C17orf99: variants seen among roughly 807,000 people sequenced by gnomAD.
C17orf99 encodes protein IL-40.
A neutral mutation model predicts 22.6 loss-of-function variants in C17orf99; 18 were observed. That is an observed-to-expected ratio of 0.80 (90% confidence interval 0.55 to 1.18). C17orf99 has a LOEUF of 1.18. C17orf99 is among the 50% of genes most tolerant of loss of function. C17orf99 has a pLI of 0.00. For missense variants in C17orf99, 328 were observed against 342.7 expected (o/e 0.96, Z 0.34); for synonymous variants, 147 against 136.6 (o/e 1.08, Z -0.53).
intron 2 of C17orf99, among the ~76,000 whole-genome samples, chr17:78,148,390 G>A (rs2075452178): frequency 6.6e-6 from 1 of 152,100 alleles, no homozygotes; most frequent in African/African-American, 2.4e-5. Flanking sequence ...AGCTGGGCAT[G>A]GTGGGCGGTG....
chr17:78,163,551 G>A (rs1426087027), intron 3 of C17orf99, among the ~76,000 whole-genome samples: 1 of 152,150 alleles, frequency 6.6e-6, no homozygotes, highest in Non-Finnish European at 1.5e-5. Flanking sequence ...GCTAAGTCTG[G>A]CAATCTGAAA....
chr17:78,159,809 T>G (rs753073672), intron 2 of C17orf99, among the ~76,000 whole-genome samples: 1 of 152,158 alleles, frequency 6.6e-6, no homozygotes, highest in South Asian at 2.1e-4. Context: ...TGCACACACA[T>G]GGAATCATGC....
intron 3 of C17orf99, among the ~76,000 whole-genome samples, chr17:78,162,618 C>G (rs776227718): frequency 6.6e-6 from 1 of 151,932 alleles, no homozygotes; most frequent in East Asian, 1.9e-4. Flanking sequence ...CTCATTGGAC[C>G]GCTGAGCTTC....
At chr17:78,157,271 C>T in intron 2 of C17orf99, 1 of 315,126 alleles carries the variant, frequency 3.2e-6, no homozygotes, top group Non-Finnish European at 6.0e-6. Context: ...CAAGAGCAGC[C>T]TGGCCAACAC....
At position 78,146,814 on chromosome 17, in the gene C17orf99, C is replaced by T. The variant is rs757408694; in HGVS notation, c.38-65C>T. The stretch of plus-strand genomic sequence containing the variant: ...CCTCCTGGCTTCAGCAGGTGGGTCT[C>T]GAGGCTGTCTCTGGTCTCCCCTCCA... On this transcript the variant is annotated intron_variant, in intron 1 of 4. Coordinates refer to ENST00000340363, the MANE Select transcript of C17orf99 (RefSeq NM_001163075.2). The surrounding 1 kb of genome is among the most constrained non-coding windows in gnomAD (Gnocchi z 5.2). 5.4e-6 allele frequency: 8 copies of T among 1,493,246 alleles called. No homozygotes were observed. Among genetic ancestry groups the T allele is most frequent in the South Asian group, 4.8e-5 (4 of 82,780 alleles). 92.5% of individuals were successfully genotyped at this position (1,493,246 alleles called of 1,614,324 possible).
chr17:78,164,661 A>G, intron 4 of C17orf99: 1 of 1,455,128 alleles, frequency 6.9e-7, no homozygotes, highest in Admixed American at 2.1e-5. Flanking sequence ...CACGTGGGCC[A>G]GGTAGGAAAT....
rs116715586 is a variant in C17orf99 at position 78,155,415 on chromosome 17, C to T, written c.71-5540C>T. ...TGACGTCGATGATATTCAGATTTCA[C>T]AGACCCTTCTTTCTACCCCTCCCCC... On this transcript the variant is annotated intron_variant, in intron 2 of 4. Coordinates refer to ENST00000340363, the MANE Select transcript of C17orf99 (RefSeq NM_001163075.2). 2.6e-3 allele frequency among the ~76,000 whole-genome samples: 395 copies of T among 152,262 alleles called. 2 individuals are homozygous for T. The highest frequency in any genetic ancestry group is 8.6e-3 in the African/African-American group (358 of 41,548).
chr17:78,146,783 C>A lies in C17orf99; in HGVS notation c.38-96C>A. The A allele has an allele frequency of 8.2e-7, 1 of 1,225,836 alleles. No homozygotes were observed. Among genetic ancestry groups the A allele is most frequent in the South Asian group, 1.3e-5 (1 of 76,614 alleles). The allele number at this position is 1,225,836 out of a possible 1,614,324, so 75.9% of individuals were successfully genotyped here. On this transcript the variant is annotated intron_variant, in intron 1 of 4. Coordinates refer to ENST00000340363, the MANE Select transcript of C17orf99 (RefSeq NM_001163075.2). The surrounding 1 kb of genome is among the most constrained non-coding windows in gnomAD (Gnocchi z 5.2). ...GGCCTCACTACCAAGAATCAGCCTG[C>A]TCCTCCCTCCTGGCTTCAGCAGGTG... is the stretch of plus-strand genomic sequence containing the variant.
intron 2 of C17orf99, chr17:78,157,443 T>C: frequency 7.7e-7 from 1 of 1,307,066 alleles, no homozygotes; most frequent in South Asian, 1.2e-5. Flanking sequence ...TGATTTGGAC[T>C]TCGAGACAGG....
chr17:78,165,812 G>A (rs564892227), intron 4 of C17orf99, 77 bp from the exon 5 acceptor site: 25 of 1,269,614 alleles, frequency 2.0e-5, no homozygotes, highest in African/African-American at 6.1e-5. Flanking sequence ...CAAAACAAAC[G>A]AACACTCTCA....
chr17:78,164,433 G>C (rs1567823632), intron 4 of C17orf99, 69 bp downstream of exon 4: 3 of 1,550,328 alleles, frequency 1.9e-6, no homozygotes, highest in East Asian at 4.9e-5. Context: ...TAGTGTCCAA[G>C]ACACAGGTCG....
intron 2 of C17orf99, among the ~76,000 whole-genome samples, chr17:78,159,805 C>T (rs1424208972): frequency 6.6e-6 from 1 of 152,136 alleles, no homozygotes; most frequent in Non-Finnish European, 1.5e-5. Context: ...ACTTTGCACA[C>T]ACATGGAATC....
intron 2 of C17orf99, chr17:78,157,779 A>G (rs1339151559): frequency 1.6e-6 from 1 of 634,682 alleles, no homozygotes; most frequent in Non-Finnish European, 2.5e-6. Flanking sequence ...CCTGGGCGAC[A>G]GAGCGTGACT....
At chr17:78,152,538 T>C (rs1027423807) in intron 2 of C17orf99, among the ~76,000 whole-genome samples, 1 of 152,020 alleles carries the variant, frequency 6.6e-6, no homozygotes, top group African/African-American at 2.4e-5. Flanking sequence ...TTTTGCCATG[T>C]TGGCCCGGCT....
At chr17:78,157,858 T>A in intron 2 of C17orf99, 2 of 1,028,612 alleles carry the variant, frequency 1.9e-6, no homozygotes, top group Non-Finnish European at 2.9e-6. Flanking sequence ...GCCGGCCACG[T>A]AAGATCGTCG....
chr17:78,154,782 T>C (rs142127901), intron 2 of C17orf99, among the ~76,000 whole-genome samples: 9,999 of 152,072 alleles, frequency 0.066, 464 homozygotes, highest in Non-Finnish European at 0.1. Context: ...GCGGAGGTTG[T>C]GGTGAGACGA....
At chr17:78,149,869 C>G (rs1184063802) in intron 2 of C17orf99, among the ~76,000 whole-genome samples, 1 of 151,998 alleles carries the variant, frequency 6.6e-6, no homozygotes, top group Non-Finnish European at 1.5e-5. Flanking sequence ...GCCACCACGC[C>G]CAGCTAATTT....
chr17:78,145,637 T>A (rs920117795), upstream of C17orf99, among the ~76,000 whole-genome samples: 10 of 151,750 alleles, frequency 6.6e-5, no homozygotes, highest in Non-Finnish European at 1.3e-4. Flanking sequence ...GCCCAGCAGG[T>A]CCCCAGCTGC....
At chr17:78,160,782 C>T (rs542727025) in intron 2 of C17orf99, 173 bp from the exon 3 acceptor site, 4 of 606,354 alleles carry the variant, frequency 6.6e-6, no homozygotes, top group South Asian at 4.1e-5. Context: ...AGACTTTCAC[C>T]ATGTTGGCTA....
Sources: gnomAD v4.1 joint callset for allele counts (sites outside exome capture counted in the v4.1 genomes callset) on GRCh38, gnomAD v4.1.1 for gene constraint, Gnocchi (gnomAD v3.1) non-coding constraint, MANE v1.5 for transcripts, NCBI Gene and HGNC (gene_info 2026-07-23, HGNC 2026-07-21) for gene names.